Variants in RBMS3 observed in about 807,000 individuals in gnomAD.
RBMS3 encodes RNA-binding motif, single-stranded-interacting protein 3.
RBMS3 carries 27 observed loss-of-function variants against 66.8 expected under a neutral mutation model. The observed-to-expected ratio is 0.40, with a 90% CI of 0.30 to 0.56. The LOEUF (loss-of-function observed/expected upper bound fraction) is 0.56, where lower values mean the gene tolerates loss of function less well. RBMS3 is among the 20% of genes least tolerant of loss of function. RBMS3 has a pLI of 0.40. For synonymous variants in RBMS3, 188 were observed against 183.0 expected, an observed-to-expected ratio of 1.03 and a Z score of -0.22; for missense variants, 513 against 549.5, an observed-to-expected ratio of 0.93 and a Z score of 0.66.
intron 1 of RBMS3, among the ~76,000 whole-genome samples, chr3:29,373,759 T>C (rs114529079): frequency 0.011 from 1,625 of 152,334 alleles, 32 homozygotes; most frequent in African/African-American, 0.038. Context: ...AGTGCCTGTT[T>C]GCAGGAAATG....
At chr3:29,853,289 A>G (rs1369910302) in intron 6 of RBMS3, among the ~76,000 whole-genome samples, 1 of 152,180 alleles carries the variant, frequency 6.6e-6, no homozygotes, top group Non-Finnish European at 1.5e-5. Context: ...AAAGCTGCAC[A>G]TGTACCCCTG....
chr3:29,513,359 C>G (rs1021357274), intron 3 of RBMS3, among the ~76,000 whole-genome samples: 1 of 152,132 alleles, frequency 6.6e-6, no homozygotes, highest in East Asian at 1.9e-4. Flanking sequence ...GACCTGAGAA[C>G]CAAAGGAAAT....
chr3:29,995,830 C>A (rs1699191395), intron 14 of RBMS3, among the ~76,000 whole-genome samples: 1 of 152,086 alleles, frequency 6.6e-6, no homozygotes, highest in Admixed American at 6.6e-5. Context: ...AATGTAAAGA[C>A]CATCAAGACT....
At chr3:29,296,733 G>C (rs555501676) in intron 1 of RBMS3, among the ~76,000 whole-genome samples, 1 of 151,778 alleles carries the variant, frequency 6.6e-6, no homozygotes, top group African/African-American at 2.4e-5. Context: ...GTTAGACCAA[G>C]AATGTGTATT....
chr3:29,737,133 G>C (rs2149345138), intron 4 of RBMS3, among the ~76,000 whole-genome samples: 1 of 151,976 alleles, frequency 6.6e-6, no homozygotes, highest in South Asian at 2.1e-4. Flanking sequence ...CCCGCCACCA[G>C]GCTGTCTAAC....
intron 1 of RBMS3, among the ~76,000 whole-genome samples, chr3:29,397,598 G>A (rs1409254047): frequency 6.6e-6 from 1 of 152,044 alleles, no homozygotes; most frequent in South Asian, 2.1e-4. Context: ...CCCTAAGACA[G>A]CCATGTCCCA....
chr3:29,660,980 G>A (rs961814197), intron 4 of RBMS3, among the ~76,000 whole-genome samples: 6 of 152,116 alleles, frequency 3.9e-5, no homozygotes, highest in South Asian at 2.1e-4. Flanking sequence ...ATCAGTGCAC[G>A]GATACCCAGT....
intron 3 of RBMS3, among the ~76,000 whole-genome samples, chr3:29,508,408 G>A (rs528077328): frequency 4.3e-4 from 66 of 152,188 alleles, no homozygotes; most frequent in African/African-American, 1.5e-3. Context: ...GTGTCCATGC[G>A]TTCTCATTGT....
intron 3 of RBMS3, among the ~76,000 whole-genome samples, chr3:29,496,229 C>CAA (rs1284561801): frequency 2.1e-5 from 3 of 144,680 alleles, no homozygotes; most frequent in African/African-American, 7.6e-5. Context: ...AAAGAAAAGA[C>CAA]AAAAAAAAGT....
At chr3:29,717,834 C>A (rs896692311) in intron 4 of RBMS3, among the ~76,000 whole-genome samples, 1 of 152,154 alleles carries the variant, frequency 6.6e-6, no homozygotes, top group African/African-American at 2.4e-5. Context: ...CCGTTTAGAT[C>A]TCTTCATTAT....
intron 5 of RBMS3, among the ~76,000 whole-genome samples, chr3:29,740,256 G>C (rs9310910): frequency 1.3e-5 from 2 of 151,966 alleles, no homozygotes; most frequent in Admixed American, 6.6e-5. Flanking sequence ...AAGCATCTAA[G>C]TGTTTTTGCA....
chr3:29,684,840 GA>G (rs1232676420), intron 4 of RBMS3, among the ~76,000 whole-genome samples: 2 of 151,382 alleles, frequency 1.3e-5, no homozygotes, highest in Non-Finnish European at 1.5e-5. Flanking sequence ...AGCTAAAGAG[GA>G]TGGTCTTTGT....
chr3:29,610,000 ATTTCAGCCT>A (rs535918587), intron 4 of RBMS3, among the ~76,000 whole-genome samples: 1 of 152,078 alleles, frequency 6.6e-6, no homozygotes, highest in Non-Finnish European at 1.5e-5. Flanking sequence ...CTGCTAAAAC[ATTTCAGCCT>A]TTTCTCATAA....
At chr3:29,454,017 T>C (rs998271279) in intron 2 of RBMS3, among the ~76,000 whole-genome samples, 4 of 152,170 alleles carry the variant, frequency 2.6e-5, no homozygotes, top group Non-Finnish European at 5.9e-5. Flanking sequence ...GTGATCACAG[T>C]CTTAAGTAAA....
intron 1 of RBMS3, among the ~76,000 whole-genome samples, chr3:29,309,476 T>C (rs1226203201): frequency 1.3e-5 from 2 of 151,750 alleles, no homozygotes; most frequent in African/African-American, 2.4e-5. Context: ...CAATAACTTA[T>C]AAGGTGGGCA....
intron 11 of RBMS3, among the ~76,000 whole-genome samples, chr3:29,940,896 C>T (rs1316925491): frequency 1.3e-5 from 2 of 151,748 alleles, no homozygotes; most frequent in African/African-American, 2.4e-5. Flanking sequence ...AACCAAAGCC[C>T]CATTATCCAT....
chr3:29,609,622 G>T (rs1328328211), intron 4 of RBMS3, among the ~76,000 whole-genome samples: 1 of 152,030 alleles, frequency 6.6e-6, no homozygotes, highest in Non-Finnish European at 1.5e-5. Flanking sequence ...TACATTTATA[G>T]ATACTGGAGA....
chr3:29,643,967 T>A (rs1334411208), intron 4 of RBMS3, among the ~76,000 whole-genome samples: 3 of 152,240 alleles, frequency 2.0e-5, no homozygotes, highest in African/African-American at 4.8e-5. Flanking sequence ...TAAAGCAGAA[T>A]GTTTTTCGAG....
chr3:29,409,640 T>C (rs1559556673), intron 1 of RBMS3, among the ~76,000 whole-genome samples: 1 of 152,228 alleles, frequency 6.6e-6, no homozygotes, highest in Non-Finnish European at 1.5e-5. Flanking sequence ...TGGGAGTGCT[T>C]ATCTAACCAC....
Sources: allele counts gnomAD v4.1 joint callset (sites outside exome capture counted in the v4.1 genomes callset), GRCh38; gene constraint gnomAD v4.1.1; transcripts MANE v1.5; gene names NCBI Gene and HGNC (gene_info 2026-07-23, HGNC 2026-07-21).